Variants in PSEN1 observed in about 807,000 individuals in gnomAD.
PSEN1 encodes the protein presenilin 1.
PSEN1 carries 15 observed loss-of-function variants against 53.5 expected under a neutral mutation model. The observed-to-expected ratio is 0.28, with a 90% CI of 0.19 to 0.43. PSEN1 has a LOEUF of 0.43. PSEN1 is among the 20% of genes least tolerant of loss of function. The pLI is 1.00. For synonymous variants in PSEN1, 208 were observed against 209.8 expected (o/e 0.99, Z 0.08); for missense variants, 387 against 571.2 (o/e 0.68, Z 3.29).
At chr14:73,154,914 G>C (rs921746960) in intron 3 of PSEN1, among the ~76,000 whole-genome samples, 1 of 152,138 alleles carries the variant, frequency 6.6e-6, no homozygotes, top group African/African-American at 2.4e-5. Context: ...AGGGAAATAG[G>C]CTTTCTTGTA....
At chr14:73,145,246 G>A (rs891413476) in intron 1 of PSEN1, among the ~76,000 whole-genome samples, 2 of 151,958 alleles carry the variant, frequency 1.3e-5, no homozygotes, top group African/African-American at 4.8e-5. Flanking sequence ...GTTTCATTTG[G>A]CTAAGACTGT....
chr14:73,202,525 T>C lies in PSEN1; in HGVS notation c.869-3861T>C, dbSNP rs1228923758. Among the ~76,000 whole-genome samples, 11 of 121,664 alleles carry C rather than the reference T, an allele frequency of 9.0e-5. No homozygotes were observed. In the East Asian group the frequency reaches 2.8e-3, roughly 31 times the overall value. 79.8% of individuals were successfully genotyped at this position (121,664 alleles called of 152,430 possible). A position where few individuals can be genotyped will look rare whatever the true frequency, so the allele number is the denominator to read the frequency against. ...TCTTGCTCTGTCACCCAGGCTGGAG[T>C]GCAGTAGCGTGATCTCGACTCACTG... On this transcript the variant is annotated intron_variant, in intron 8 of 11. Transcript: ENST00000324501.
rs948100625 is a variant in PSEN1 at position 73,152,183 on chromosome 14, A to G, written c.87+4077A>G. 1.4e-5 allele frequency among the ~76,000 whole-genome samples: 2 copies of G among 138,454 alleles called. 1 individual carries two copies. The highest frequency in any genetic ancestry group is 4.5e-4 in the South Asian group (2 of 4,442). The allele number at this position is 138,454 out of a possible 152,430, so 90.8% of individuals were successfully genotyped here. A position where few individuals can be genotyped will look rare whatever the true frequency, so the allele number is the denominator to read the frequency against. On this transcript the variant is annotated intron_variant, in intron 3 of 11. Transcript: ENST00000324501. ...CGTCTCGGCCTCCCAAAGTTTTTTT[A>G]TATTTTTTAATGTGAGGAAAGGTCA...
intron 8 of PSEN1, among the ~76,000 whole-genome samples, chr14:73,200,722 C>T (rs150046753): frequency 6.6e-6 from 1 of 151,898 alleles, no homozygotes; most frequent in African/African-American, 2.4e-5. Context: ...TTTTTTTTGC[C>T]AATTTTTCTG....
intron 3 of PSEN1, among the ~76,000 whole-genome samples, chr14:73,150,293 A>G (rs982559647): frequency 1.3e-5 from 2 of 152,198 alleles, no homozygotes; most frequent in Non-Finnish European, 2.9e-5. Flanking sequence ...GACTAGTTAT[A>G]TGACAAAAAA....
intron 8 of PSEN1, among the ~76,000 whole-genome samples, chr14:73,202,890 T>G (rs1193722778): frequency 1.3e-5 from 2 of 152,176 alleles, no homozygotes; most frequent in Non-Finnish European, 2.9e-5. Context: ...CAAGTCTATT[T>G]AATAACCACA....
In PSEN1 at chr14:73,173,543, C is replaced by T. The variant is rs1897952582; in HGVS notation, c.339-23C>T. 1.9e-6 allele frequency: 3 copies of T among 1,613,078 alleles called. No homozygotes were observed. In the South Asian group the frequency reaches 3.3e-5, roughly 18 times the overall value. ...GATCTCCATTAACACTGACCTAGGG[C>T]TTTTGTGTTTGTTTTATTGTAGAAT... On this transcript the variant is annotated intron_variant, in intron 4 of 11. Transcript: ENST00000324501.
At chr14:73,139,986 A>G (rs1350684925) in intron 1 of PSEN1, among the ~76,000 whole-genome samples, 1 of 152,228 alleles carries the variant, frequency 6.6e-6, no homozygotes, top group Non-Finnish European at 1.5e-5. Context: ...TTAGACGTAA[A>G]TAATCATTTT....
chr14:73,183,180 C>A (rs1405091690), intron 5 of PSEN1, among the ~76,000 whole-genome samples: 1 of 152,132 alleles, frequency 6.6e-6, no homozygotes, highest in African/African-American at 2.4e-5. Context: ...TGCAATGGTG[C>A]GATCTCAGCT....
intron 7 of PSEN1, among the ~76,000 whole-genome samples, chr14:73,196,863 C>T (rs1042344876): frequency 6.6e-5 from 10 of 151,356 alleles, no homozygotes; most frequent in African/African-American, 1.9e-4. Context: ...TTAGCTATAC[C>T]TGTTTTATAT....
chr14:73,214,903 G>A (rs958714839), intron 10 of PSEN1, among the ~76,000 whole-genome samples: 1 of 152,078 alleles, frequency 6.6e-6, no homozygotes, highest in Non-Finnish European at 1.5e-5. Context: ...GTCTTTGAAC[G>A]GTGAACTTAA....
chr14:73,188,662 C>T (rs1898604746), intron 6 of PSEN1, among the ~76,000 whole-genome samples: 1 of 152,166 alleles, frequency 6.6e-6, no homozygotes, highest in African/African-American at 2.4e-5. Context: ...AACTAAATCT[C>T]TAACATTATA....
chr14:73,151,364 G>A (rs1897218421), intron 3 of PSEN1, among the ~76,000 whole-genome samples: 2 of 152,166 alleles, frequency 1.3e-5, no homozygotes. Flanking sequence ...TAGTTGCTGT[G>A]ATTGGATATA....
At chr14:73,183,852 C>T (rs1458989352) in intron 5 of PSEN1, among the ~76,000 whole-genome samples, 1 of 151,242 alleles carries the variant, frequency 6.6e-6, no homozygotes, top group South Asian at 2.1e-4. Flanking sequence ...CAGAGGGGCT[C>T]CTCACTTCCC....
At position 73,221,747 on chromosome 14, in the gene PSEN1, A is replaced by G. The variant is rs1900122587; in HGVS notation, c.*2458A>G. ...CAGGCAGAGAACTTTTCCCTCAAAC[A>G]TTCTTTTTAGAATTAGTTCAGTCAT... On this transcript the variant is annotated 3_prime_UTR_variant, in exon 12 of 12. Coordinates refer to ENST00000324501, the MANE Select transcript of PSEN1 (RefSeq NM_000021.4). 1 of 152,196 alleles carries G rather than the reference A, an allele frequency of 6.6e-6. No individual in the cohort carries two copies. The highest frequency in any genetic ancestry group is 2.1e-4 in the South Asian group (1 of 4,836). The allele number at this position is 152,196 out of a possible 1,614,324, so 9.4% of individuals were successfully genotyped here.
intron 5 of PSEN1, among the ~76,000 whole-genome samples, chr14:73,175,712 G>T (rs1045585143): frequency 6.6e-6 from 1 of 152,028 alleles, no homozygotes; most frequent in Non-Finnish European, 1.5e-5. Flanking sequence ...TTGGACATTT[G>T]TTTCTAGTGT....
At chr14:73,200,987 G>T (rs1233356312) in intron 8 of PSEN1, among the ~76,000 whole-genome samples, 1 of 152,054 alleles carries the variant, frequency 6.6e-6, no homozygotes, top group Non-Finnish European at 1.5e-5. Flanking sequence ...GGAGGCGGAG[G>T]TTACAGTGAG....
At chr14:73,155,912 C>CTGTCAATGTAGGTTCA (rs1279420634) in intron 3 of PSEN1, among the ~76,000 whole-genome samples, 1 of 152,138 alleles carries the variant, frequency 6.6e-6, no homozygotes, top group Non-Finnish European at 1.5e-5. Flanking sequence ...AAACTGTGGA[C>CTGTCAATGTAGGTTCA]TGTCAATGTA....
intron 5 of PSEN1, among the ~76,000 whole-genome samples, chr14:73,186,474 G>T (rs779341876): frequency 5.9e-5 from 9 of 152,100 alleles, no homozygotes; most frequent in Non-Finnish European, 8.8e-5. Context: ...ATTTTATAAA[G>T]TTGTTTTAAA....
Sources: allele counts gnomAD v4.1 joint callset (sites outside exome capture counted in the v4.1 genomes callset), GRCh38; gene constraint gnomAD v4.1.1; transcripts MANE v1.5; gene names NCBI Gene and HGNC (gene_info 2026-07-23, HGNC 2026-07-21).